Variants in SCFD2 observed in about 807,000 individuals in gnomAD.
SCFD2 encodes the protein sec1 family domain containing 2.
A neutral mutation model predicts 58.9 loss-of-function variants in SCFD2; 54 were observed. The ratio of observed to expected loss-of-function variants is 0.92; its 90% CI spans 0.74 to 1.15. SCFD2 has a LOEUF of 1.15. Ranked by LOEUF, SCFD2 falls within the 50% of genes most tolerant of loss-of-function variation. SCFD2 has a pLI of 0.00. For synonymous variants in SCFD2, 321 were observed against 335.9 expected, an observed-to-expected ratio of 0.96 and a Z score of 0.49; for missense variants, 805 against 836.6, an observed-to-expected ratio of 0.96 and a Z score of 0.47.
At chr4:53,017,743 G>A (rs1174754449) in intron 5 of SCFD2, among the ~76,000 whole-genome samples, 3 of 152,142 alleles carry the variant, frequency 2.0e-5, no homozygotes, top group African/African-American at 7.2e-5. Flanking sequence ...GGCCCTACCT[G>A]CACTGAGCTC....
chr4:53,001,345 T>C (rs918885749), intron 5 of SCFD2, among the ~76,000 whole-genome samples: 1 of 152,314 alleles, frequency 6.6e-6, no homozygotes, highest in Admixed American at 6.5e-5. Flanking sequence ...AGAATTTACA[T>C]TGGAGGTACA....
At chr4:53,000,899 G>C (rs1721849380) in intron 5 of SCFD2, among the ~76,000 whole-genome samples, 1 of 152,156 alleles carries the variant, frequency 6.6e-6, no homozygotes. Flanking sequence ...AGAGGCCACA[G>C]GCCTATACCA....
intron 4 of SCFD2, among the ~76,000 whole-genome samples, chr4:53,265,171 T>C (rs751265): frequency 0.073 from 11,104 of 152,228 alleles, 611 homozygotes; most frequent in East Asian, 0.21. Flanking sequence ...CTTGTATTAC[T>C]CTTCAGTGAT....
chr4:52,965,323 G>A (rs932482599), intron 5 of SCFD2, among the ~76,000 whole-genome samples: 13 of 152,086 alleles, frequency 8.5e-5, no homozygotes, highest in Non-Finnish European at 4.4e-5. Flanking sequence ...TCATGCCACA[G>A]ACACTATTTA....
chr4:53,070,566 T>C (rs184251061), intron 5 of SCFD2, among the ~76,000 whole-genome samples: 7 of 152,196 alleles, frequency 4.6e-5, no homozygotes, highest in African/African-American at 1.7e-4. Context: ...TGACTTATGA[T>C]GTGTAAAGTG....
At chr4:53,149,069 C>T (rs1008723871) in intron 4 of SCFD2, among the ~76,000 whole-genome samples, 2 of 152,192 alleles carry the variant, frequency 1.3e-5, no homozygotes, top group African/African-American at 2.4e-5. Flanking sequence ...CCAGAAATAA[C>T]TGTAGACATG....
rs116133254 is a variant in SCFD2 at position 53,199,598 on chromosome 4, G to T, written c.1312-54016C>A. 7.6e-3 allele frequency among the ~76,000 whole-genome samples: 1,152 copies of T among 152,136 alleles called. 21 individuals carry two copies. Among genetic ancestry groups the T allele is most frequent in the African/African-American group, 0.026 (1,093 of 41,514 alleles). Reference sequence around the variant, plus strand: ...TCAGGATGGGGCTGGTCATCAGAAAGATCAAGTAATTAGAGGGTTGAAGGG... The same window carrying T: ...TCAGGATGGGGCTGGTCATCAGAAATATCAAGTAATTAGAGGGTTGAAGGG... On this transcript the variant is annotated intron_variant, in intron 4 of 8. Coordinates refer to ENST00000401642, the MANE Select transcript of SCFD2 (RefSeq NM_152540.4).
At chr4:53,103,931 G>A (rs576818448) in intron 5 of SCFD2, among the ~76,000 whole-genome samples, 1 of 147,154 alleles carries the variant, frequency 6.8e-6, no homozygotes, top group South Asian at 2.1e-4. Context: ...ATGACGTATT[G>A]GAGTATAACC....
At chr4:53,289,766 T>C (rs1731781071) in intron 3 of SCFD2, among the ~76,000 whole-genome samples, 1 of 151,980 alleles carries the variant, frequency 6.6e-6, no homozygotes, top group South Asian at 2.1e-4. Context: ...ACACTTAGGC[T>C]GAAAGCAAAG....
chr4:53,246,011 A>C (rs193058662), intron 4 of SCFD2, among the ~76,000 whole-genome samples: 1 of 152,328 alleles, frequency 6.6e-6, no homozygotes, highest in African/African-American at 2.4e-5. Context: ...AGAATTCAAA[A>C]TCAGTGTACA....
intron 4 of SCFD2, among the ~76,000 whole-genome samples, chr4:53,227,340 C>A (rs1729251083): frequency 6.6e-6 from 1 of 152,062 alleles, no homozygotes; most frequent in Non-Finnish European, 1.5e-5. Flanking sequence ...TTTTTCCTGT[C>A]ACAGCAAACA....
At chr4:53,037,123 C>T (rs193214778) in intron 5 of SCFD2, among the ~76,000 whole-genome samples, 103 of 152,208 alleles carry the variant, frequency 6.8e-4, no homozygotes, top group Non-Finnish European at 9.8e-4. Flanking sequence ...TAAAGATTAA[C>T]ACCTTATGTA....
At chr4:53,325,575 C>T (rs1461198407) in intron 2 of SCFD2, among the ~76,000 whole-genome samples, 2 of 152,218 alleles carry the variant, frequency 1.3e-5, no homozygotes, top group East Asian at 1.9e-4. Flanking sequence ...TAAAAGGCAT[C>T]GTTGGAATGT....
chr4:52,888,973 C>A (rs1718818281), intron 7 of SCFD2, among the ~76,000 whole-genome samples: 1 of 152,172 alleles, frequency 6.6e-6, no homozygotes, highest in African/African-American at 2.4e-5. Flanking sequence ...ATCTTTTCCC[C>A]AAAACCCTTC....
intron 5 of SCFD2, among the ~76,000 whole-genome samples, chr4:53,049,861 T>G (rs1036233575): frequency 3.3e-5 from 5 of 152,168 alleles, no homozygotes; most frequent in African/African-American, 4.8e-5. Context: ...ATTTTGTTGA[T>G]GTTTTTGTTT....
At chr4:53,304,439 T>A (rs557156260) in intron 3 of SCFD2, among the ~76,000 whole-genome samples, 6 of 152,246 alleles carry the variant, frequency 3.9e-5, no homozygotes, top group Middle Eastern at 3.4e-3. Context: ...CTTGGTTCCA[T>A]TCTCCCCATC....
intron 5 of SCFD2, among the ~76,000 whole-genome samples, chr4:53,081,509 C>G (rs930822272): frequency 6.6e-5 from 10 of 152,098 alleles, no homozygotes; most frequent in African/African-American, 1.9e-4. Flanking sequence ...ATTTGGTTTT[C>G]CATTCCTATG....
intron 5 of SCFD2, among the ~76,000 whole-genome samples, chr4:53,050,914 G>A (rs1723172893): frequency 6.6e-6 from 1 of 152,134 alleles, no homozygotes; most frequent in Non-Finnish European, 1.5e-5. Flanking sequence ...TCTGTCAGGT[G>A]GAAGCTTAGG....
chr4:53,311,124 T>C (rs1320776507), intron 3 of SCFD2, among the ~76,000 whole-genome samples: 1 of 152,192 alleles, frequency 6.6e-6, no homozygotes. Flanking sequence ...TGTTTATATA[T>C]GAAAATGAGA....
Sources: allele counts gnomAD v4.1 joint callset (sites outside exome capture counted in the v4.1 genomes callset), GRCh38; gene constraint gnomAD v4.1.1; transcripts MANE v1.5; gene names NCBI Gene and HGNC (gene_info 2026-07-23, HGNC 2026-07-21).